Variants in UBR4 observed in about 807,000 individuals in gnomAD.
The protein encoded by UBR4 is E3 ubiquitin-protein ligase UBR4.
In UBR4, 124 loss-of-function variants were observed where a neutral mutation model predicts 575.6. The observed-to-expected ratio is 0.22, with a 90% CI of 0.19 to 0.25. The LOEUF is 0.25. UBR4 is among the 10% of genes least tolerant of loss of function. The probability of loss-of-function intolerance (pLI) is 1.00; values close to 1 mark genes in which losing one functional copy is unlikely to be tolerated. For synonymous variants in UBR4, 2,455 were observed against 2,473.7 expected (o/e 0.99, Z 0.22); for missense variants, 4,818 against 6,478.8 (o/e 0.74, Z 8.80).
At chr1:19,165,613 G>A (rs375415315) in intron 30 of UBR4, 43 bp downstream of exon 30, 92 of 1,569,586 alleles carry the variant, frequency 5.9e-5, no homozygotes, top group Admixed American at 1.4e-4. Context: ...CTTTCAAGAG[G>A]CATTCAAAAA....
chr1:19,101,169 G>C (rs1008557093), intron 88 of UBR4, among the ~76,000 whole-genome samples: 3 of 152,204 alleles, frequency 2.0e-5, no homozygotes, highest in African/African-American at 7.2e-5. Flanking sequence ...AAAGAAGGAA[G>C]AGAGTAAAAA....
chr1:19,156,398 C>G lies in UBR4; in HGVS notation c.5945G>C (p.Ser1982Thr), dbSNP rs777387910. ...LKDCHVLTFS[S>T]SGSVSDHLVL... Reference sequence around the variant, plus strand: ...CAAGTGATCCGAAACAGAGCCTGAGCTACTAAAGGTGAGCACATGACAGTC... The same window carrying G: ...CAAGTGATCCGAAACAGAGCCTGAGGTACTAAAGGTGAGCACATGACAGTC... The change falls in exon 42 of 106, where the codon AGC (serine) becomes ACC (threonine). Residue 1982 changes from serine to threonine, a missense_variant. Ser to Thr is a moderately conservative substitution (Grantham distance 58, BLOSUM62 1). This residue lies in a region of UBR4 where 461 missense variants were observed against 606.9 expected (regional missense o/e 0.76). Coordinates refer to ENST00000375254, the MANE Select transcript of UBR4 (RefSeq NM_020765.3). 1.2e-6 allele frequency: 2 copies of G among 1,614,128 alleles called. No individual in the cohort carries two copies. Among genetic ancestry groups the G allele is most frequent in the Admixed American group, 1.7e-5 (1 of 60,020 alleles).
At chr1:19,194,528 G>A (rs563219737) in intron 8 of UBR4, among the ~76,000 whole-genome samples, 35 of 152,226 alleles carry the variant, frequency 2.3e-4, no homozygotes, top group African/African-American at 7.2e-4. Context: ...AAGGCTGGGC[G>A]CGGTGGCTCA....
At position 19,167,156 on chromosome 1, in the gene UBR4, A is replaced by G. The variant is rs1557874587; in HGVS notation, c.3975T>C (p.Ser1325=). The G allele has an allele frequency of 1.9e-6, 3 of 1,614,108 alleles. No individual in the cohort carries two copies. Among genetic ancestry groups the G allele is most frequent in the Non-Finnish European group, 2.5e-6 (3 of 1,180,034 alleles). ...LPLLLESSTE[S]VAEISSNSLE... ...GGGAGTTGCTACTGATCTCGGCAAC[A>G]CTCTCAGTGCTTGATTCCAAAAGAA... The change falls in exon 29 of 106, where the codon AGT becomes AGC. Residue 1325 remains serine (S), a synonymous_variant. Coordinates refer to ENST00000375254, the MANE Select transcript of UBR4 (RefSeq NM_020765.3).
In UBR4 at chr1:19,128,958, C is replaced by G; in HGVS notation, c.9003+20G>C. On this transcript the variant is annotated intron_variant, in intron 61 of 105. Transcript: ENST00000375254. Reference sequence around the variant, plus strand: ...GGTCCAATCATGACCTGACAGAGATCCAGGTGAGCTAAGAGATACCTGCAT... The same window carrying G: ...GGTCCAATCATGACCTGACAGAGATGCAGGTGAGCTAAGAGATACCTGCAT... 1 of 1,603,588 alleles carries G rather than the reference C, an allele frequency of 6.2e-7. No individual in the cohort carries two copies. The highest frequency in any genetic ancestry group is 8.5e-7 in the Non-Finnish European group (1 of 1,170,488).
rs781196602 is a variant in UBR4 at position 19,197,687 on chromosome 1, G to C, written c.876C>G (p.Ala292=). Residue 292 remains alanine (A), a synonymous_variant, in exon 7 of 106, where the codon GCC becomes GCG. Coordinates refer to ENST00000375254, the MANE Select transcript of UBR4 (RefSeq NM_020765.3). ...FFIMPATVAD[A]TAVRNGFHSL... ...CACCTTACCCATTACGAACAGCAGT[G>C]GCATCTGCTACTGTTGCAGGCATTA... 3.1e-6 allele frequency: 5 copies of C among 1,613,990 alleles called. 1 individual carries two copies. The South Asian group carries it at 5.5e-5, about 18-fold the overall frequency.
At position 19,164,428 on chromosome 1, in the gene UBR4, C is replaced by G; in HGVS notation, c.4525G>C (p.Gly1509Arg). The G allele has an allele frequency of 1.2e-6, 2 of 1,613,648 alleles. No homozygotes were observed. The highest frequency in any genetic ancestry group is 4.5e-5 in the East Asian group (2 of 44,836). The change falls in exon 33 of 106, where the codon GGT becomes CGT. Residue 1509 changes from glycine to arginine, a missense_variant. Physicochemically the swap from Gly to Arg is moderately radical, Grantham distance 125 (BLOSUM62 -2). Transcript: ENST00000375254. ...IVRENSQVGE[G>R]VCAVLLGTLT... ...GTGCCCAGAAGAACAGCACACACAC[C>G]TTCCCCAACTTGGCTAGGAGAAAAG...
chr1:19,167,939 C>G (rs2088797787), intron 28 of UBR4, 88 bp downstream of exon 28: 3 of 1,363,144 alleles, frequency 2.2e-6, no homozygotes, highest in African/African-American at 2.9e-5. Context: ...GAAAGCATTA[C>G]TACATAGTTA....
intron 103 of UBR4, chr1:19,078,679 G>T (rs1271898985): frequency 1.3e-5 from 2 of 152,888 alleles, no homozygotes; most frequent in African/African-American, 4.8e-5. Context: ...GATAATCCAA[G>T]TTGCTCACCA....
At chr1:19,080,770 TC>T (rs1262747835) in intron 103 of UBR4, 1 of 152,584 alleles carries the variant, frequency 6.6e-6, no homozygotes, top group Non-Finnish European at 1.5e-5. Context: ...CAGCTGTTTC[TC>T]TTGAGACCAT....
chr1:19,081,252 A>G, intron 103 of UBR4, 97 bp downstream of exon 103: 1 of 1,097,942 alleles, frequency 9.1e-7, no homozygotes, highest in South Asian at 1.5e-5. Flanking sequence ...CGCAGTCACA[A>G]AGCATGCCTT....
rs772557125 is a variant in UBR4 at position 19,121,286 on chromosome 1, G to A, written c.10044C>T (p.Ser3348=). Residue 3348 remains serine (S), a synonymous_variant, in exon 68 of 106, where the codon TCC becomes TCT. Transcript: ENST00000375254. ...CAGAACTGGCAGCCACAGGGGCTGA[G>A]GAGGAAGAAGCACTGGAGGATCCCG... ...ASSGSSSASS[S]SAPVAASSGQ... is the part of the protein sequence containing the mutation. 1 of 1,614,202 alleles carries A rather than the reference G, an allele frequency of 6.2e-7. No individual in the cohort carries two copies. The highest frequency in any genetic ancestry group is 8.5e-7 in the Non-Finnish European group (1 of 1,180,030).
At chr1:19,085,649 A>G (rs1193108462) in intron 101 of UBR4, among the ~76,000 whole-genome samples, 1 of 152,166 alleles carries the variant, frequency 6.6e-6, no homozygotes, top group Non-Finnish European at 1.5e-5. Flanking sequence ...GCACCACTCC[A>G]CAAGGCATCA....
chr1:19,135,309 AC>A (rs2083076356), intron 60 of UBR4, among the ~76,000 whole-genome samples: 1 of 152,212 alleles, frequency 6.6e-6, no homozygotes, highest in African/African-American at 2.4e-5. Flanking sequence ...TGTCTTAATT[AC>A]CATAGCTTTA....
chr1:19,179,146 G>A lies in UBR4; in HGVS notation c.2259C>T (p.Ser753=), dbSNP rs756648649. 9 of 1,613,580 alleles carry A rather than the reference G, an allele frequency of 5.6e-6. No homozygotes were observed. In the South Asian group the frequency reaches 7.7e-5, roughly 14 times the overall value. ...GPWPLYIHPQ[S]LSVLSRLLLI... ...GCAGGAGGCGTGAAAGCACAGAGAG[G>A]CTTTGAGGGTGAATGTACAAGGGCC... Residue 753 remains serine, a synonymous_variant, in exon 18 of 106, where the codon AGC becomes AGT. Transcript: ENST00000375254.
intron 97 of UBR4, among the ~76,000 whole-genome samples, chr1:19,091,998 A>C (rs960610189): frequency 6.6e-6 from 1 of 152,142 alleles, no homozygotes; most frequent in African/African-American, 2.4e-5. Flanking sequence ...AGACAATCCC[A>C]AAAGGTTACA....
In UBR4 at chr1:19,187,227, C is replaced by G; in HGVS notation, c.1569G>C (p.Arg523=). ...AQSTSIQRIQ[R]LIDSVPLMNL... ...TCATCAGTGGGACAGAGTCAATCAG[C>G]CGTTGAATCCTCTGTATGGAGGTGC... The change falls in exon 13 of 106, where the codon CGG becomes CGC. Residue 523 remains arginine, a synonymous_variant. Transcript: ENST00000375254. 6.2e-7 allele frequency: 1 copy of G among 1,613,872 alleles called. No individual in the cohort carries two copies. Among genetic ancestry groups the G allele is most frequent in the Non-Finnish European group, 8.5e-7 (1 of 1,179,918 alleles).
chr1:19,130,625 C>T (rs2082312410), intron 60 of UBR4, among the ~76,000 whole-genome samples: 1 of 152,198 alleles, frequency 6.6e-6, no homozygotes, highest in African/African-American at 2.4e-5. Flanking sequence ...GAATACCACG[C>T]ATGTGTCTGT....
chr1:19,141,198 C>T, intron 57 of UBR4, 149 bp downstream of exon 57: 1 of 1,093,768 alleles, frequency 9.1e-7, no homozygotes, highest in Non-Finnish European at 1.3e-6. Context: ...CCCTCTCACT[C>T]TCCACCTGTA....
Sources: gnomAD v4.1 joint callset for allele counts (sites outside exome capture counted in the v4.1 genomes callset) on GRCh38, gnomAD v4.1.1 for gene constraint, gnomAD v4.1.1 regional missense constraint, MANE v1.5 for transcripts, NCBI Gene and HGNC (gene_info 2026-07-23, HGNC 2026-07-21) for gene names.